RAP1GDS1: variants seen among roughly 807,000 people sequenced by gnomAD.
RAP1GDS1 encodes the protein RAP1, GTP-GDP dissociation stimulator 1.
Under a neutral mutation model 71.1 loss-of-function variants are expected in RAP1GDS1, and 35 were observed. The observed-to-expected ratio is 0.49, with a 90% CI of 0.38 to 0.65. The LOEUF (loss-of-function observed/expected upper bound fraction) is 0.65. Ranked by LOEUF, RAP1GDS1 falls within the 30% of genes least tolerant of loss-of-function variation. The probability of loss-of-function intolerance (pLI) is 0.00; values close to 1 mark genes in which losing one functional copy is unlikely to be tolerated. For missense variants in RAP1GDS1, 663 were observed against 706.1 expected, an observed-to-expected ratio of 0.94 and a Z score of 0.69; for synonymous variants, 229 against 243.1, an observed-to-expected ratio of 0.94 and a Z score of 0.54.
chr4:98,430,736 T>A (rs1334991518), intron 12 of RAP1GDS1, among the ~76,000 whole-genome samples: 1 of 152,220 alleles, frequency 6.6e-6, no homozygotes, highest in African/African-American at 2.4e-5. Flanking sequence ...TTTAAAATAA[T>A]TAAACACCAG....
In RAP1GDS1 at chr4:98,343,474, A is replaced by G. The variant is rs115343373; in HGVS notation, c.235+213A>G. ...ATCTGATAACCCATTCCTTCTCAGTAGAATTATGGGAAAGCTCTGCTGCCC... is the reference window on the plus strand; with the variant it reads ...ATCTGATAACCCATTCCTTCTCAGTGGAATTATGGGAAAGCTCTGCTGCCC... On this transcript the variant is annotated intron_variant, in intron 3 of 14. Transcript: ENST00000408927. 8.6e-3 allele frequency among the ~76,000 whole-genome samples: 1,315 copies of G among 152,314 alleles called. 22 individuals are homozygous for G. The highest frequency in any genetic ancestry group is 0.03 in the African/African-American group (1,252 of 41,558).
At chr4:98,436,361 G>A (rs1172754692) in intron 13 of RAP1GDS1, among the ~76,000 whole-genome samples, 1 of 152,134 alleles carries the variant, frequency 6.6e-6, no homozygotes, top group Non-Finnish European at 1.5e-5. Flanking sequence ...ACTGGATGGA[G>A]GAATTCCTCA....
At position 98,261,435 on chromosome 4, in the gene RAP1GDS1, C is replaced by T. The variant is rs1578224480; in HGVS notation, c.-131C>T. 1.4e-5 allele frequency: 13 copies of T among 899,062 alleles called. No individual in the cohort carries two copies. The East Asian group carries it at 4.8e-4, about 33-fold the overall frequency. 55.7% of individuals were successfully genotyped at this position (899,062 alleles called of 1,614,324 possible). On this transcript the variant is annotated 5_prime_UTR_variant, in exon 1 of 15. Transcript: ENST00000408927. ...CTGCAGCAGCACCAGCTGCTCCTCC[C>T]CGGCGGCCGCCCCCCGCGGGTCCCT...
rs372963948 is a variant in RAP1GDS1 at position 98,314,879 on chromosome 4, C to T, written c.112+21364C>T. Among the ~76,000 whole-genome samples the T allele has an allele frequency of 3.0e-4, 46 of 152,024 alleles. 4 individuals carry two copies. Among genetic ancestry groups the T allele is most frequent in the Admixed American group, 1.0e-3 (16 of 15,254 alleles). On this transcript the variant is annotated intron_variant, in intron 2 of 14. Coordinates refer to ENST00000408927, the MANE Select transcript of RAP1GDS1 (RefSeq NM_001100427.2). ...GTAAATAGACATTTTATAGGTATAC[C>T]GTTGTTTTTTCCTTCTATCTAGCTT...
At chr4:98,390,256 AT>A (rs1381480624) in intron 5 of RAP1GDS1, among the ~76,000 whole-genome samples, 1 of 152,128 alleles carries the variant, frequency 6.6e-6, no homozygotes, top group African/African-American at 2.4e-5. Context: ...ATATAACACT[AT>A]TGTGTAAGTA....
chr4:98,276,711 G>A (rs1042165874), intron 1 of RAP1GDS1, among the ~76,000 whole-genome samples: 1 of 152,152 alleles, frequency 6.6e-6, no homozygotes, highest in African/African-American at 2.4e-5. Flanking sequence ...AGAAGGAAAT[G>A]CTGGGACTAT....
intron 4 of RAP1GDS1, among the ~76,000 whole-genome samples, chr4:98,371,033 A>G (rs1456521551): frequency 6.6e-6 from 1 of 151,796 alleles, no homozygotes; most frequent in Non-Finnish European, 1.5e-5. Flanking sequence ...GTGTGGATTT[A>G]TCCCTAGTTT....
At chr4:98,312,689 G>T (rs189828215) in intron 2 of RAP1GDS1, among the ~76,000 whole-genome samples, 14 of 152,186 alleles carry the variant, frequency 9.2e-5, no homozygotes, top group Admixed American at 4.6e-4. Flanking sequence ...GTGTGTGCAT[G>T]TGTGTATGTG....
At chr4:98,308,261 C>T (rs76058323) in intron 2 of RAP1GDS1, among the ~76,000 whole-genome samples, 19,398 of 136,796 alleles carry the variant, frequency 0.14, 2,210 homozygotes, top group African/African-American at 0.31. Context: ...TGTATATATA[C>T]ACACACACCC....
At chr4:98,416,141 G>A (rs1194156535) in intron 7 of RAP1GDS1, among the ~76,000 whole-genome samples, 3 of 152,070 alleles carry the variant, frequency 2.0e-5, no homozygotes, top group African/African-American at 7.2e-5. Flanking sequence ...TAGAGTAATA[G>A]TGGAGTGATA....
intron 1 of RAP1GDS1, among the ~76,000 whole-genome samples, chr4:98,291,841 A>C (rs138294883): frequency 1.3e-5 from 2 of 152,146 alleles, no homozygotes; most frequent in Non-Finnish European, 2.9e-5. Context: ...AATCAGATAA[A>C]TCTTTCCTCT....
intron 6 of RAP1GDS1, among the ~76,000 whole-genome samples, chr4:98,392,598 G>A (rs995036027): frequency 2.6e-5 from 4 of 152,132 alleles, no homozygotes; most frequent in Non-Finnish European, 5.9e-5. Context: ...CTACTCAGGA[G>A]ACCGAGGCAG....
intron 4 of RAP1GDS1, among the ~76,000 whole-genome samples, chr4:98,363,478 CAAAAAAAAAAA>C (rs34393905): frequency 2.7e-4 from 10 of 37,730 alleles, no homozygotes; most frequent in East Asian, 8.8e-4. Context: ...GACCCTGTCT[CAAAAAAAAAAA>C]AAAAAAAAAA....
At chr4:98,388,748 A>C (rs1743156100) in intron 5 of RAP1GDS1, among the ~76,000 whole-genome samples, 1 of 152,118 alleles carries the variant, frequency 6.6e-6, no homozygotes, top group Admixed American at 6.6e-5. Flanking sequence ...TTTTAAAATT[A>C]GGTAGTCCTT....
At chr4:98,291,957 T>C (rs1189382838) in intron 1 of RAP1GDS1, among the ~76,000 whole-genome samples, 5 of 152,150 alleles carry the variant, frequency 3.3e-5, no homozygotes, top group Admixed American at 6.6e-5. Flanking sequence ...TCCGCAATTA[T>C]CTGAAAAGGC....
chr4:98,327,928 C>T (rs1733383712), intron 2 of RAP1GDS1, among the ~76,000 whole-genome samples: 1 of 152,124 alleles, frequency 6.6e-6, no homozygotes, highest in African/African-American at 2.4e-5. Flanking sequence ...AGTTGTACTT[C>T]TGCAAAAATT....
intron 4 of RAP1GDS1, among the ~76,000 whole-genome samples, chr4:98,352,970 C>T (rs926879827): frequency 3.3e-5 from 5 of 152,126 alleles, no homozygotes; most frequent in Admixed American, 6.5e-5. Flanking sequence ...AAAGTTTCTG[C>T]GTCTGTCCAA....
chr4:98,385,832 T>G (rs1742661750), intron 5 of RAP1GDS1, among the ~76,000 whole-genome samples: 1 of 151,932 alleles, frequency 6.6e-6, no homozygotes, highest in Non-Finnish European at 1.5e-5. Context: ...TATATTCTTT[T>G]GTAAAAGAAG....
At chr4:98,278,172 C>T (rs1425438020) in intron 1 of RAP1GDS1, among the ~76,000 whole-genome samples, 1 of 152,170 alleles carries the variant, frequency 6.6e-6, no homozygotes, top group African/African-American at 2.4e-5. Context: ...GCATTCCAAC[C>T]TGGGCGACAG....
Sources: gnomAD v4.1 joint callset for allele counts (sites outside exome capture counted in the v4.1 genomes callset) on GRCh38, gnomAD v4.1.1 for gene constraint, MANE v1.5 for transcripts, NCBI Gene and HGNC (gene_info 2026-07-23, HGNC 2026-07-21) for gene names.